Variants in ATP6V1C2 observed in about 807,000 individuals in gnomAD.
The protein encoded by ATP6V1C2 is ATPase H+ transporting V1 subunit C2, also known as V-type proton ATPase subunit C 2.
In ATP6V1C2, 45 loss-of-function variants were observed where a neutral mutation model predicts 56.8. That is an observed-to-expected ratio of 0.79 (90% CI 0.62 to 1.02). The LOEUF (loss-of-function observed/expected upper bound fraction) is 1.02. Ranked by LOEUF, ATP6V1C2 falls within the 50% of genes least tolerant of loss-of-function variation. The probability of loss-of-function intolerance (pLI) is 0.00; values close to 1 mark genes in which losing one functional copy is unlikely to be tolerated. For synonymous variants in ATP6V1C2, 220 were observed against 201.3 expected, an observed-to-expected ratio of 1.09 and a Z score of -0.79; for missense variants, 463 against 519.7, an observed-to-expected ratio of 0.89 and a Z score of 1.06.
intron 6 of ATP6V1C2, among the ~76,000 whole-genome samples, chr2:10,769,816 C>A (rs538290060): frequency 3.3e-5 from 5 of 152,212 alleles, no homozygotes; most frequent in East Asian, 1.9e-4. Context: ...GCAGCCCAGT[C>A]CCCCCAGACT....
At chr2:10,775,443 T>C (rs1046684131) in intron 10 of ATP6V1C2, among the ~76,000 whole-genome samples, 1 of 152,204 alleles carries the variant, frequency 6.6e-6, no homozygotes, top group Non-Finnish European at 1.5e-5. Context: ...TTCCTTGGAC[T>C]GAGCAAGGCA....
chr2:10,781,566 G>A (rs1008908887), intron 12 of ATP6V1C2, among the ~76,000 whole-genome samples: 1 of 152,180 alleles, frequency 6.6e-6, no homozygotes, highest in Non-Finnish European at 1.5e-5. Flanking sequence ...TCTGCACAGA[G>A]TACTAGGTGA....
At chr2:10,775,669 C>T (rs1192043227) in intron 10 of ATP6V1C2, among the ~76,000 whole-genome samples, 2 of 151,532 alleles carry the variant, frequency 1.3e-5, no homozygotes, top group Non-Finnish European at 1.5e-5. Flanking sequence ...AAACTAGATG[C>T]TCACGTTTGA....
chr2:10,728,520 A>G (rs781369205), intron 3 of ATP6V1C2, among the ~76,000 whole-genome samples: 5 of 152,126 alleles, frequency 3.3e-5, no homozygotes, highest in Admixed American at 6.6e-5. Context: ...CTGTGAATAG[A>G]TGTACCCTCA....
intron 2 of ATP6V1C2, among the ~76,000 whole-genome samples, chr2:10,724,558 G>A (rs1661535101): frequency 6.6e-6 from 1 of 151,838 alleles, no homozygotes; most frequent in Non-Finnish European, 1.5e-5. Flanking sequence ...GACTCTGGAA[G>A]GTAAAAAGAT....
At chr2:10,748,961 T>G (rs1478298756) in intron 3 of ATP6V1C2, among the ~76,000 whole-genome samples, 1 of 151,490 alleles carries the variant, frequency 6.6e-6, no homozygotes, top group Non-Finnish European at 1.5e-5. Context: ...ACACCCTGTC[T>G]CTACTAAAAA....
intron 5 of ATP6V1C2, among the ~76,000 whole-genome samples, chr2:10,766,075 C>A (rs1311681654): frequency 6.6e-6 from 1 of 152,186 alleles, no homozygotes; most frequent in Non-Finnish European, 1.5e-5. Context: ...CGATCCAGGA[C>A]CTGCAGCGGT....
intron 3 of ATP6V1C2, among the ~76,000 whole-genome samples, chr2:10,737,834 C>T (rs13425547): frequency 0.055 from 8,344 of 152,218 alleles, 755 homozygotes; most frequent in African/African-American, 0.19. Flanking sequence ...GCTGGGACTA[C>T]AGGCACCCAC....
At chr2:10,722,139 G>A (rs942890143) in intron 1 of ATP6V1C2, among the ~76,000 whole-genome samples, 1 of 152,142 alleles carries the variant, frequency 6.6e-6, no homozygotes, top group African/African-American at 2.4e-5. Context: ...AAAGGTGCGG[G>A]TGTGGACACC....
rs540735832 is a variant in ATP6V1C2 at position 10,773,446 on chromosome 2, G to A, written c.638+836G>A. ...TGCCCAGGCTGGAGTGCAGTGGCCC[G>A]AGCTCAGCTCACTGCAACCTCCGCC... On this transcript the variant is annotated intron_variant, in intron 8 of 13. Coordinates refer to ENST00000272238, the MANE Select transcript of ATP6V1C2 (RefSeq NM_001039362.2). Among the ~76,000 whole-genome samples the A allele has an allele frequency of 1.5e-4, 23 of 152,236 alleles. No homozygotes were observed. In the East Asian group the frequency reaches 3.3e-3, roughly 22 times the overall value.
intron 4 of ATP6V1C2, among the ~76,000 whole-genome samples, 168 bp from the exon 5 acceptor site, chr2:10,764,163 C>T (rs912325370): frequency 4.6e-5 from 7 of 152,180 alleles, no homozygotes; most frequent in Admixed American, 6.5e-5. Context: ...CACAGCTCCC[C>T]GCTCCCGCAG....
Position 10,779,855 on chromosome 2 carries a change from T to TA in ATP6V1C2, c.1061+1187dup, listed in dbSNP as rs1355118094. On this transcript the variant is annotated intron_variant, in intron 12 of 13. Transcript: ENST00000272238. ...GTTTTGTTGTTTTTTTATGAATAGA[T>TA]ACGTAATTCTTACAGATTTTTATGA... Among the ~76,000 whole-genome samples, 52 of 152,244 alleles carry TA rather than the reference T, an allele frequency of 3.4e-4. No homozygotes were observed. The East Asian group carries it at 8.7e-3, about 25-fold the overall frequency.
Position 10,763,669 on chromosome 2 carries a change from A to T in ATP6V1C2, c.284-662A>T, listed in dbSNP as rs1346194026. ...TCCCGCTCTTCCATAGACCCGGCGT[A>T]TTAAAAGAGGTCAGGTCCTGGGGCG... On this transcript the variant is annotated intron_variant, in intron 4 of 13. Transcript: ENST00000272238. The surrounding 1 kb of genome is among the most constrained non-coding windows in gnomAD (Gnocchi z 4.2). Among the ~76,000 whole-genome samples, 1 of 152,216 alleles carries T rather than the reference A, an allele frequency of 6.6e-6. No homozygotes were observed. The highest frequency in any genetic ancestry group is 2.4e-5 in the African/African-American group (1 of 41,466).
chr2:10,757,493 G>A (rs1232822963), intron 4 of ATP6V1C2: 23 of 398,486 alleles, frequency 5.8e-5, no homozygotes, highest in Middle Eastern at 6.2e-4. Flanking sequence ...TGTGCTTGGC[G>A]TGATGCCCGC....
In ATP6V1C2 at chr2:10,780,721, G is replaced by C. The variant is rs1441564618; in HGVS notation, c.1062-1522G>C. Among the ~76,000 whole-genome samples the C allele has an allele frequency of 6.6e-6, 1 of 151,644 alleles. No individual in the cohort carries two copies. The highest frequency in any genetic ancestry group is 1.9e-4 in the East Asian group (1 of 5,158). ...CGCATCTGCCCAAGAAAGAGGTTGA[G>C]ACCGATGGGCCAGCCGCTCCTGGGG... On this transcript the variant is annotated intron_variant, in intron 12 of 13. Transcript: ENST00000272238. This position sits in a 1 kb window ranked among gnomAD's most constrained non-coding sequence, Gnocchi z 4.1.
chr2:10,775,761 G>A (rs183246385), intron 10 of ATP6V1C2, among the ~76,000 whole-genome samples: 10 of 152,250 alleles, frequency 6.6e-5, no homozygotes, highest in Admixed American at 5.9e-4. Context: ...CTCCTGCTGC[G>A]ATGCTGGGCT....
At chr2:10,721,932 A>C (rs936903290) in intron 1 of ATP6V1C2, among the ~76,000 whole-genome samples, 1 of 152,192 alleles carries the variant, frequency 6.6e-6, no homozygotes, top group Non-Finnish European at 1.5e-5. Flanking sequence ...TGGGCAGTCA[A>C]GGCGGAAAGG....
chr2:10,776,419 C>A (rs1278593791), intron 10 of ATP6V1C2, among the ~76,000 whole-genome samples: 1 of 152,138 alleles, frequency 6.6e-6, no homozygotes, highest in Non-Finnish European at 1.5e-5. Context: ...AGGAGCCGAG[C>A]TGGAGCTGGG....
In ATP6V1C2 at chr2:10,744,052, TG is replaced by T. The variant is rs543810618; in HGVS notation, c.198-9928del. ...TAAAATTTAACCAGGCATGGTGGTGTGTGCCTGCAGTCCCAGCTACCTGGGA... is the reference window on the plus strand; with the variant it reads ...TAAAATTTAACCAGGCATGGTGGTGTTGCCTGCAGTCCCAGCTACCTGGGA... On this transcript the variant is annotated intron_variant, in intron 3 of 13. Transcript: ENST00000272238. 4 of 151,934 alleles carry T rather than the reference TG, an allele frequency of 2.6e-5. No individual in the cohort carries two copies. In the South Asian group the frequency reaches 8.3e-4, roughly 32 times the overall value. The allele number at this position is 151,934 out of a possible 1,614,324, so 9.4% of individuals were successfully genotyped here.
Sources: gnomAD v4.1 joint callset for allele counts (sites outside exome capture counted in the v4.1 genomes callset) on GRCh38, gnomAD v4.1.1 for gene constraint, Gnocchi (gnomAD v3.1) non-coding constraint, MANE v1.5 for transcripts, NCBI Gene and HGNC (gene_info 2026-07-23, HGNC 2026-07-21) for gene names.